CSMD1: variants seen among roughly 807,000 people sequenced by gnomAD.
CSMD1 encodes the protein CUB and sushi domain-containing protein 1.
A neutral mutation model predicts 417.5 loss-of-function variants in CSMD1; 213 were observed. The observed-to-expected ratio is 0.51, with a 90% CI of 0.46 to 0.57. CSMD1 has a LOEUF of 0.57. Among genes scored for constraint, CSMD1 ranks in the 20% least tolerant of loss-of-function variants. CSMD1 has a pLI of 0.00. For synonymous variants in CSMD1, 2,862 were observed against 1,736.8 expected, an observed-to-expected ratio of 1.65 and a Z score of -16.11; for missense variants, 6,923 against 4,529.7, an observed-to-expected ratio of 1.53 and a Z score of -15.17.
intron 49 of CSMD1, among the ~76,000 whole-genome samples, chr8:3,072,236 T>G (rs1813366878): frequency 6.6e-6 from 1 of 152,228 alleles, no homozygotes; most frequent in African/African-American, 2.4e-5. Context: ...AACTTTTACA[T>G]GGAAGAGTCC....
At chr8:3,020,579 G>C (rs1049939299) in intron 51 of CSMD1, among the ~76,000 whole-genome samples, 1 of 152,036 alleles carries the variant, frequency 6.6e-6, no homozygotes, top group Non-Finnish European at 1.5e-5. Flanking sequence ...TCATTGTGTT[G>C]TCCAGGCTTG....
intron 3 of CSMD1, among the ~76,000 whole-genome samples, chr8:4,160,808 A>C (rs981599752): frequency 6.6e-6 from 1 of 152,262 alleles, no homozygotes. Flanking sequence ...GGTGTACTGT[A>C]AATATCAGAA....
chr8:3,381,986 G>A (rs969451228), intron 18 of CSMD1, among the ~76,000 whole-genome samples: 10 of 152,004 alleles, frequency 6.6e-5, no homozygotes, highest in African/African-American at 1.2e-4. Flanking sequence ...GGCTGGGCGC[G>A]GTGGCTCACA....
intron 3 of CSMD1, among the ~76,000 whole-genome samples, chr8:4,129,686 T>A (rs1462058750): frequency 6.6e-6 from 1 of 152,198 alleles, no homozygotes; most frequent in Non-Finnish European, 1.5e-5. Flanking sequence ...CCTAATGACA[T>A]TTTGTTATAC....
intron 2 of CSMD1, among the ~76,000 whole-genome samples, chr8:4,450,912 T>C (rs958933207): frequency 2.6e-5 from 4 of 151,836 alleles, no homozygotes; most frequent in African/African-American, 9.7e-5. Context: ...TAAAATTAAA[T>C]CATGGAGAGG....
chr8:3,741,280 C>T (rs17067292), intron 6 of CSMD1, among the ~76,000 whole-genome samples: 28,725 of 144,764 alleles, frequency 0.2, 3,575 homozygotes, highest in East Asian at 0.36. Flanking sequence ...TGACTCCATG[C>T]GGTAGAGTTT....
At chr8:4,775,714 G>A (rs539720726) in intron 1 of CSMD1, among the ~76,000 whole-genome samples, 4 of 152,186 alleles carry the variant, frequency 2.6e-5, no homozygotes. Flanking sequence ...CATGGCCCAC[G>A]TGGGGATGGG....
chr8:4,932,817 G>A (rs531807929), intron 1 of CSMD1, among the ~76,000 whole-genome samples: 1 of 152,244 alleles, frequency 6.6e-6, no homozygotes, highest in East Asian at 1.9e-4. Context: ...CCTTCCCTGT[G>A]CTCCCTGGTT....
intron 5 of CSMD1, among the ~76,000 whole-genome samples, chr8:3,953,529 C>A (rs546714817): frequency 6.6e-6 from 1 of 152,108 alleles, no homozygotes; most frequent in Non-Finnish European, 1.5e-5. Flanking sequence ...ATGACATTGC[C>A]CTGAGTGGAG....
chr8:4,119,352 C>T (rs963471697), intron 3 of CSMD1, among the ~76,000 whole-genome samples: 1 of 152,106 alleles, frequency 6.6e-6, no homozygotes, highest in Non-Finnish European at 1.5e-5. Context: ...GCAGGGAATG[C>T]TAAGTGAACA....
At chr8:4,493,663 C>A (rs902509776) in intron 2 of CSMD1, among the ~76,000 whole-genome samples, 1 of 152,034 alleles carries the variant, frequency 6.6e-6, no homozygotes, top group African/African-American at 2.4e-5. Context: ...CCAATGTACT[C>A]CAGATCGAGT....
At chr8:4,095,944 G>C (rs1800983955) in intron 3 of CSMD1, among the ~76,000 whole-genome samples, 3 of 152,230 alleles carry the variant, frequency 2.0e-5, no homozygotes, top group East Asian at 3.9e-4. Flanking sequence ...TTCCTAAAAA[G>C]ATTCATGCCT....
intron 5 of CSMD1, among the ~76,000 whole-genome samples, chr8:3,842,634 T>C (rs1230696184): frequency 6.6e-6 from 1 of 152,142 alleles, no homozygotes; most frequent in Non-Finnish European, 1.5e-5. Flanking sequence ...AGCTAGAGTT[T>C]CTATTTTTTA....
chr8:4,080,623 G>A (rs911426845), intron 3 of CSMD1, among the ~76,000 whole-genome samples: 1 of 152,104 alleles, frequency 6.6e-6, no homozygotes, highest in Non-Finnish European at 1.5e-5. Context: ...GAGTTTAGAA[G>A]CTAAATTTTA....
rs1486301807 is a variant in CSMD1, at chr8:4,436,124, T to G, written c.303-16059A>C. ...AACTGAGCTAAATATATTCTTCATT[T>G]CAGCATAAAAAATAGAAGTCATAGA... On this transcript the variant is annotated intron_variant, in intron 2 of 69. Coordinates refer to ENST00000635120, the MANE Select transcript of CSMD1 (RefSeq NM_033225.6). Among the ~76,000 whole-genome samples the G allele has an allele frequency of 2.0e-5, 3 of 152,176 alleles. No individual in the cohort carries two copies. The East Asian group carries it at 5.8e-4, about 29-fold the overall frequency.
At chr8:4,045,184 G>A (rs570129416) in intron 3 of CSMD1, among the ~76,000 whole-genome samples, 5 of 152,128 alleles carry the variant, frequency 3.3e-5, no homozygotes, top group Admixed American at 6.5e-5. Context: ...CGGGTGCTGA[G>A]GTACTCATCT....
chr8:4,719,406 C>A (rs1216327302), intron 1 of CSMD1, among the ~76,000 whole-genome samples: 1 of 152,122 alleles, frequency 6.6e-6, no homozygotes, highest in Non-Finnish European at 1.5e-5. Context: ...CCCTATAATT[C>A]TCTGTTGCAT....
At position 4,332,606 on chromosome 8, in the gene CSMD1, CAG is replaced by C. The variant is rs1554435003; in HGVS notation, c.415+87345_415+87346del. On this transcript the variant is annotated intron_variant, in intron 3 of 69. Transcript: ENST00000635120. ...ACACACACACACACACACACACACA[CAG>C]AGTCATATGCAGAGACATTCAGATA... Among the ~76,000 whole-genome samples, 107 of 125,506 alleles carry C rather than the reference CAG, an allele frequency of 8.5e-4. 1 individual carries two copies. Among genetic ancestry groups the C allele is most frequent in the African/African-American group, 3.9e-3 (95 of 24,200 alleles). The allele number at this position is 125,506 out of a possible 152,430, so 82.3% of individuals were successfully genotyped here.
At chr8:4,854,194 A>T (rs1801652536) in intron 1 of CSMD1, among the ~76,000 whole-genome samples, 1 of 152,084 alleles carries the variant, frequency 6.6e-6, no homozygotes, top group Non-Finnish European at 1.5e-5. Flanking sequence ...AGGGCATGAG[A>T]TTTGGGGATG....
Sources: allele counts gnomAD v4.1 joint callset (sites outside exome capture counted in the v4.1 genomes callset), GRCh38; gene constraint gnomAD v4.1.1; transcripts MANE v1.5; gene names NCBI Gene and HGNC (gene_info 2026-07-23, HGNC 2026-07-21).